Variants in BTBD9 observed in about 807,000 individuals in gnomAD.
The protein encoded by BTBD9 is BTB domain containing 9.
BTBD9 carries 49 observed loss-of-function variants against 64.3 expected under a neutral mutation model. The observed-to-expected ratio is 0.76, with a 90% CI of 0.61 to 0.97. BTBD9 has a LOEUF of 0.97. Ranked by LOEUF, BTBD9 falls within the 50% of genes least tolerant of loss-of-function variation. The pLI is 0.00. For missense variants in BTBD9, 598 were observed against 762.1 expected (o/e 0.78, Z 2.53); for synonymous variants, 260 against 274.7 (o/e 0.95, Z 0.53).
intron 8 of BTBD9, among the ~76,000 whole-genome samples, chr6:38,284,669 G>A (rs1325416984): frequency 3.3e-5 from 5 of 152,142 alleles, no homozygotes; most frequent in Non-Finnish European, 5.9e-5. Context: ...ATGGCTGGGA[G>A]GAGGCAGCAA....
At chr6:38,369,371 C>T (rs552820746) in intron 6 of BTBD9, among the ~76,000 whole-genome samples, 26 of 152,316 alleles carry the variant, frequency 1.7e-4, no homozygotes, top group African/African-American at 6.3e-4. Context: ...GTAAAATTGC[C>T]TTCCTAGATT....
chr6:38,230,321 C>T (rs1440585150), intron 9 of BTBD9, among the ~76,000 whole-genome samples: 1 of 152,034 alleles, frequency 6.6e-6, no homozygotes, highest in African/African-American at 2.4e-5. Flanking sequence ...CATGGAGAAA[C>T]CCTGTCTCTA....
intron 6 of BTBD9, among the ~76,000 whole-genome samples, chr6:38,370,062 T>C (rs1022123073): frequency 4.6e-5 from 7 of 152,208 alleles, no homozygotes; most frequent in Non-Finnish European, 1.0e-4. Flanking sequence ...CCTTCCTTGG[T>C]TCCACCAACA....
At chr6:38,410,684 T>C (rs1457613995) in intron 6 of BTBD9, among the ~76,000 whole-genome samples, 1 of 152,048 alleles carries the variant, frequency 6.6e-6, no homozygotes, top group African/African-American at 2.4e-5. Context: ...AGGAAGTTCC[T>C]TAGAGAATGA....
chr6:38,360,348 G>T (rs2206550), intron 6 of BTBD9, among the ~76,000 whole-genome samples: 151,695 of 152,294 alleles, frequency 1, 75,550 homozygotes, highest in East Asian at 1. Flanking sequence ...TAAATAAATA[G>T]ATCATAATTT....
intron 6 of BTBD9, among the ~76,000 whole-genome samples, chr6:38,485,719 G>A (rs544688093): frequency 6.6e-6 from 1 of 152,304 alleles, no homozygotes; most frequent in South Asian, 2.1e-4. Context: ...AGTAGATTTA[G>A]CATAACTCTT....
chr6:38,258,452 T>C (rs1764677671), intron 8 of BTBD9, among the ~76,000 whole-genome samples: 1 of 152,244 alleles, frequency 6.6e-6, no homozygotes, highest in African/African-American at 2.4e-5. Context: ...CATATGTGTT[T>C]GCTTCTTCTA....
chr6:38,268,250 G>A (rs558018661), intron 8 of BTBD9, among the ~76,000 whole-genome samples: 3 of 152,072 alleles, frequency 2.0e-5, no homozygotes, highest in Non-Finnish European at 4.4e-5. Context: ...CTGCCCATCC[G>A]CTGAACACAT....
chr6:38,293,264 A>T (rs1356094008), intron 7 of BTBD9, among the ~76,000 whole-genome samples: 1 of 152,194 alleles, frequency 6.6e-6, no homozygotes, highest in East Asian at 1.9e-4. Context: ...TTATAGATTC[A>T]ATGCTATCCC....
chr6:38,516,324 T>G (rs1478030146), intron 6 of BTBD9, among the ~76,000 whole-genome samples: 1 of 152,024 alleles, frequency 6.6e-6, no homozygotes, highest in Non-Finnish European at 1.5e-5. Context: ...CAGATACATG[T>G]AGAACTATGT....
chr6:38,217,846 G>A (rs1333335088), intron 9 of BTBD9, among the ~76,000 whole-genome samples: 1 of 152,124 alleles, frequency 6.6e-6, no homozygotes, highest in African/African-American at 2.4e-5. Flanking sequence ...AGCTGCGCAA[G>A]TCAAACGAGG....
chr6:38,464,020 A>T (rs1288482463), intron 6 of BTBD9, among the ~76,000 whole-genome samples: 3 of 152,146 alleles, frequency 2.0e-5, no homozygotes, highest in African/African-American at 7.2e-5. Flanking sequence ...GAACAAAGTG[A>T]GACCGTCTCA....
At chr6:38,314,470 T>C (rs1762962034) in intron 7 of BTBD9, among the ~76,000 whole-genome samples, 1 of 152,194 alleles carries the variant, frequency 6.6e-6, no homozygotes, top group South Asian at 2.1e-4. Flanking sequence ...AACACTGACC[T>C]TGTAGAATGA....
rs1021983912 is a variant in BTBD9 at position 38,409,358 on chromosome 6, A to T, written c.1155-64265T>A. Among the ~76,000 whole-genome samples, 4 of 152,364 alleles carry T rather than the reference A, an allele frequency of 2.6e-5. No individual in the cohort carries two copies. The South Asian group carries it at 8.3e-4, about 32-fold the overall frequency. ...GCATACTTTTCTGAGATATTCTATAAGGGCTTAATAAGTGTTCATTAGTTT... is the reference window on the plus strand; with the variant it reads ...GCATACTTTTCTGAGATATTCTATATGGGCTTAATAAGTGTTCATTAGTTT... On this transcript the variant is annotated intron_variant, in intron 6 of 10. Coordinates refer to ENST00000481247, the MANE Select transcript of BTBD9 (RefSeq NM_001099272.2).
Position 38,262,298 on chromosome 6 carries a change from A to G in BTBD9, c.1455-5782T>C, listed in dbSNP as rs1764819848. On this transcript the variant is annotated intron_variant, in intron 8 of 10. Transcript: ENST00000481247. Reference sequence around the variant, plus strand: ...ATTTTCAAAAGGGGCTGAATAAAGGAAGTTGCTGGCCAAGATTTATTGATG... The same window carrying G: ...ATTTTCAAAAGGGGCTGAATAAAGGGAGTTGCTGGCCAAGATTTATTGATG... 3.9e-5 allele frequency among the ~76,000 whole-genome samples: 6 copies of G among 152,294 alleles called. No individual in the cohort carries two copies. The South Asian group carries it at 1.2e-3, about 32-fold the overall frequency.
intron 4 of BTBD9, among the ~76,000 whole-genome samples, chr6:38,590,286 C>T (rs1277364172): frequency 6.6e-6 from 1 of 151,994 alleles, no homozygotes; most frequent in Non-Finnish European, 1.5e-5. Context: ...TATATGGTAA[C>T]AATGGTTTCC....
chr6:38,629,280 C>T (rs1778282150), intron 1 of BTBD9, among the ~76,000 whole-genome samples: 1 of 152,190 alleles, frequency 6.6e-6, no homozygotes, highest in Non-Finnish European at 1.5e-5. Flanking sequence ...AGGATATTTA[C>T]ATCCTCTCAA....
At chr6:38,397,312 T>G (rs1018509108) in intron 6 of BTBD9, among the ~76,000 whole-genome samples, 3 of 152,186 alleles carry the variant, frequency 2.0e-5, no homozygotes, top group Non-Finnish European at 2.9e-5. Flanking sequence ...AGTACACAAG[T>G]TAAGCAAGAA....
chr6:38,584,404 A>T (rs1039840686), intron 4 of BTBD9, among the ~76,000 whole-genome samples: 1 of 152,208 alleles, frequency 6.6e-6, no homozygotes, highest in African/African-American at 2.4e-5. Context: ...AATGCATAAT[A>T]TTAAGCTTTG....
Sources: allele counts gnomAD v4.1 joint callset (sites outside exome capture counted in the v4.1 genomes callset), GRCh38; gene constraint gnomAD v4.1.1; transcripts MANE v1.5; gene names NCBI Gene and HGNC (gene_info 2026-07-23, HGNC 2026-07-21).